ALDH1A2: variants seen among roughly 807,000 people sequenced by gnomAD.
The protein encoded by ALDH1A2 is retinal dehydrogenase 2.
In ALDH1A2, 27 loss-of-function variants were observed where a neutral mutation model predicts 60.3. The ratio of observed to expected loss-of-function variants is 0.45; its 90% confidence interval spans 0.33 to 0.62. The LOEUF is 0.62. Among genes scored for constraint, ALDH1A2 ranks in the 20% least tolerant of loss-of-function variants. The pLI is 0.02. For synonymous variants in ALDH1A2, 289 were observed against 232.4 expected, an observed-to-expected ratio of 1.24 and a Z score of -2.21; for missense variants, 581 against 643.8, an observed-to-expected ratio of 0.90 and a Z score of 1.06.
At chr15:58,028,837 CAAG>C (rs1325592388) in intron 1 of ALDH1A2, among the ~76,000 whole-genome samples, 1 of 152,150 alleles carries the variant, frequency 6.6e-6, no homozygotes, top group African/African-American at 2.4e-5. Context: ...ATCAATTCAA[CAAG>C]AAGAGCTAAC....
At position 58,065,622 on chromosome 15, in the gene ALDH1A2, C is replaced by G; in HGVS notation, c.29G>C (p.Gly10Ala). 6.2e-7 allele frequency: 1 copy of G among 1,606,514 alleles called. No homozygotes were observed. Among genetic ancestry groups the G allele is most frequent in the Non-Finnish European group, 8.5e-7 (1 of 1,176,090 alleles). Residue 10 changes from glycine (G) to alanine (A), a missense_variant, in exon 1 of 13, where the codon GGC becomes GCC. This residue lies in a region of ALDH1A2 where 206 missense variants were observed against 174.1 expected (regional missense o/e 1.18). Transcript: ENST00000249750. ...GGCGGCGGGGTCGGCCTTCACCTCG[C>G]CGGGCATCTCTATCTTGCTGGAAGT... MTSSKIEMP[G>A]EVKADPAALM...
At chr15:57,975,872 T>G (rs1894237022) in intron 7 of ALDH1A2, among the ~76,000 whole-genome samples, 1 of 151,904 alleles carries the variant, frequency 6.6e-6, no homozygotes, top group Non-Finnish European at 1.5e-5. Context: ...CTAGGAAACA[T>G]GTGAGGGTGA....
At chr15:58,059,862 T>C (rs1346544228) in intron 1 of ALDH1A2, among the ~76,000 whole-genome samples, 7 of 152,062 alleles carry the variant, frequency 4.6e-5, no homozygotes, top group Non-Finnish European at 1.0e-4. Flanking sequence ...ATGCACATAA[T>C]AAATGTAATA....
At chr15:58,025,191 G>A (rs1485407070) in intron 1 of ALDH1A2, among the ~76,000 whole-genome samples, 1 of 152,024 alleles carries the variant, frequency 6.6e-6, no homozygotes, top group African/African-American at 2.4e-5. Flanking sequence ...AAGATCAGAT[G>A]TAACTAAATG....
chr15:58,030,850 A>G (rs1896218918), intron 1 of ALDH1A2, among the ~76,000 whole-genome samples: 2 of 152,132 alleles, frequency 1.3e-5, no homozygotes, highest in South Asian at 4.2e-4. Context: ...CTTCAAGGAG[A>G]ACTACAAACC....
intron 1 of ALDH1A2, among the ~76,000 whole-genome samples, chr15:58,020,705 C>A (rs1019250864): frequency 7.2e-5 from 11 of 152,022 alleles, no homozygotes; most frequent in African/African-American, 2.4e-4. Flanking sequence ...TAGATATTTT[C>A]TTTCATTTTC....
chr15:57,985,762 G>A (rs1002621089), intron 7 of ALDH1A2, among the ~76,000 whole-genome samples: 6 of 152,102 alleles, frequency 3.9e-5, no homozygotes, highest in Non-Finnish European at 7.4e-5. Context: ...CAAAGAGAAT[G>A]TCCTCCCCAC....
At chr15:58,035,475 TTC>T (rs1234788987) in intron 1 of ALDH1A2, among the ~76,000 whole-genome samples, 3 of 151,826 alleles carry the variant, frequency 2.0e-5, no homozygotes, top group Non-Finnish European at 3.0e-5. Context: ...ATTTTTTTGT[TTC>T]TGTTTACATT....
intron 7 of ALDH1A2, among the ~76,000 whole-genome samples, chr15:57,984,923 G>A (rs1226380323): frequency 5.3e-5 from 8 of 152,064 alleles, no homozygotes; most frequent in African/African-American, 1.2e-4. Flanking sequence ...GTATTACATT[G>A]ATTTTTTTAC....
At chr15:57,966,592 C>G (rs754190931) in intron 7 of ALDH1A2, among the ~76,000 whole-genome samples, 1 of 152,238 alleles carries the variant, frequency 6.6e-6, no homozygotes, top group African/African-American at 2.4e-5. Context: ...CAGGGTCCAC[C>G]TCAGCTGAAA....
intron 1 of ALDH1A2, among the ~76,000 whole-genome samples, chr15:58,048,276 T>C (rs4646574): frequency 0.062 from 9,473 of 152,180 alleles, 322 homozygotes; most frequent in Middle Eastern, 0.13. Flanking sequence ...AAGTGTTGTA[T>C]GCCCAACACA....
At chr15:58,014,149 G>A (rs762932971) in intron 2 of ALDH1A2, 28 bp downstream of exon 2, 2 of 1,613,976 alleles carry the variant, frequency 1.2e-6, no homozygotes, top group African/African-American at 2.7e-5. Flanking sequence ...TTATTTCATA[G>A]GAAATCTTTT....
intron 7 of ALDH1A2, among the ~76,000 whole-genome samples, chr15:57,982,592 T>C (rs1191411228): frequency 6.6e-6 from 1 of 152,214 alleles, no homozygotes; most frequent in Middle Eastern, 3.2e-3. Context: ...TAAAGTAACG[T>C]TAAACTTTAT....
chr15:58,052,567 G>A (rs1228567821), intron 1 of ALDH1A2, among the ~76,000 whole-genome samples: 1 of 152,060 alleles, frequency 6.6e-6, no homozygotes, highest in Non-Finnish European at 1.5e-5. Context: ...CTGTTACCAG[G>A]AAATTTAAGT....
intron 7 of ALDH1A2, 143 bp downstream of exon 7, chr15:57,992,562 A>G (rs1286376802): frequency 5.1e-6 from 4 of 782,706 alleles, no homozygotes; most frequent in Admixed American, 4.0e-5. Context: ...CCAGTGTTCT[A>G]TGACACCAAT....
At chr15:57,976,683 G>C (rs772554124) in intron 7 of ALDH1A2, among the ~76,000 whole-genome samples, 3 of 152,148 alleles carry the variant, frequency 2.0e-5, no homozygotes, top group Non-Finnish European at 2.9e-5. Flanking sequence ...ATCTGGGTTG[G>C]TTCCAAGTCC....
chr15:57,991,218 A>AAAG, intron 7 of ALDH1A2, among the ~76,000 whole-genome samples: 2 of 152,172 alleles, frequency 1.3e-5, no homozygotes, highest in Admixed American at 1.3e-4. Flanking sequence ...TTGCATCTTT[A>AAAG]GTTTTTCTTA....
chr15:58,049,653 A>G (rs1896725756), intron 1 of ALDH1A2, among the ~76,000 whole-genome samples: 1 of 151,982 alleles, frequency 6.6e-6, no homozygotes, highest in Non-Finnish European at 1.5e-5. Flanking sequence ...CATCCAACAC[A>G]TTAACTGGTC....
Position 58,027,142 on chromosome 15 carries a change from C to A in ALDH1A2, c.118-12861G>T, listed in dbSNP as rs184791594. On this transcript the variant is annotated intron_variant, in intron 1 of 12. Transcript: ENST00000249750. ...TCCCAGTAGGGGCCTAAAGACACCT[C>A]ATACAGGCAGGTGCCCCTCTGAGAT... Among the ~76,000 whole-genome samples, 465 of 152,312 alleles carry A rather than the reference C, an allele frequency of 3.1e-3. 3 individuals carry two copies. Among genetic ancestry groups the A allele is most frequent in the African/African-American group, 0.011 (445 of 41,566 alleles).
Sources: allele counts gnomAD v4.1 joint callset (sites outside exome capture counted in the v4.1 genomes callset), GRCh38; gene constraint gnomAD v4.1.1; regional missense constraint gnomAD v4.1.1; transcripts MANE v1.5; gene names NCBI Gene and HGNC (gene_info 2026-07-23, HGNC 2026-07-21).